Variants in LIMD1 observed in about 807,000 individuals in gnomAD.
LIMD1 encodes LIM domain-containing protein 1.
A neutral mutation model predicts 58.4 loss-of-function variants in LIMD1; 23 were observed. That is an observed-to-expected ratio of 0.39 (90% CI 0.28 to 0.56). The LOEUF (loss-of-function observed/expected upper bound fraction) is 0.56, where lower values mean the gene tolerates loss of function less well. Ranked by LOEUF, LIMD1 falls within the 20% of genes least tolerant of loss-of-function variation. LIMD1 has a pLI of 0.57. For missense variants in LIMD1, 838 were observed against 855.5 expected, an observed-to-expected ratio of 0.98 and a Z score of 0.25; for synonymous variants, 334 against 345.5, an observed-to-expected ratio of 0.97 and a Z score of 0.37.
Position 45,596,020 on chromosome 3 carries a change from C to G in LIMD1, c.1141C>G (p.Pro381Ala). The G allele has an allele frequency of 6.2e-7, 1 of 1,614,224 alleles. No individual in the cohort carries two copies. Among genetic ancestry groups the G allele is most frequent in the Non-Finnish European group, 8.5e-7 (1 of 1,180,040 alleles). The change falls in exon 1 of 8, where the codon CCC becomes GCC. Residue 381 changes from proline (P) to alanine (A), a missense_variant. Transcript: ENST00000273317. ...TGGCTGCACAGACCTTGGCACTGGT[C>G]CCAAGCTCAGCCCCACCAGTCTTGT... ...KPGCTDLGTG[P>A]KLSPTSLVHP...
chr3:45,629,039 G>C (rs1042517454), intron 1 of LIMD1, among the ~76,000 whole-genome samples: 18 of 152,168 alleles, frequency 1.2e-4, no homozygotes, highest in Non-Finnish European at 2.2e-4. Context: ...GATTGCAAAA[G>C]GCATGAGGAC....
chr3:45,622,668 A>ATT (rs775471185), intron 1 of LIMD1, among the ~76,000 whole-genome samples: 11 of 140,540 alleles, frequency 7.8e-5, no homozygotes, highest in African/African-American at 2.1e-4. Context: ...TTTTAAAGGA[A>ATT]TTTTTTTTTT....
chr3:45,639,928 G>T (rs1325839894), intron 2 of LIMD1, among the ~76,000 whole-genome samples: 6 of 152,244 alleles, frequency 3.9e-5, no homozygotes, highest in African/African-American at 1.4e-4. Flanking sequence ...TTCCCAAAAT[G>T]CTGGGATTAC....
intron 1 of LIMD1, among the ~76,000 whole-genome samples, chr3:45,617,151 G>A (rs1471240522): frequency 3.3e-5 from 5 of 150,628 alleles, no homozygotes; most frequent in Non-Finnish European, 4.4e-5. Flanking sequence ...CTCCTGCCTC[G>A]GCCTCCCTAG....
At chr3:45,674,635 T>C in intron 7 of LIMD1, 2 of 475,900 alleles carry the variant, frequency 4.2e-6, no homozygotes, top group Non-Finnish European at 3.8e-6. Context: ...AACTATCAAG[T>C]CCTGCAACTG....
intron 1 of LIMD1, among the ~76,000 whole-genome samples, chr3:45,628,396 A>G (rs1701687407): frequency 6.6e-6 from 1 of 152,226 alleles, no homozygotes; most frequent in Admixed American, 6.5e-5. Context: ...GCAGGTGAAA[A>G]GATGCTCACA....
chr3:45,633,666 A>G (rs1004807072), intron 1 of LIMD1, among the ~76,000 whole-genome samples: 6 of 152,222 alleles, frequency 3.9e-5, no homozygotes, highest in African/African-American at 1.4e-4. Flanking sequence ...CAGATAACCA[A>G]TACTTGTGCC....
At chr3:45,615,010 G>A (rs1167936839) in intron 1 of LIMD1, among the ~76,000 whole-genome samples, 3 of 151,996 alleles carry the variant, frequency 2.0e-5, no homozygotes, top group Non-Finnish European at 4.4e-5. Flanking sequence ...AGGATGTCGG[G>A]GAGCAGAACT....
intron 1 of LIMD1, among the ~76,000 whole-genome samples, chr3:45,627,341 G>T (rs1234000788): frequency 2.6e-5 from 4 of 152,170 alleles, no homozygotes; most frequent in African/African-American, 9.7e-5. Flanking sequence ...GACTGGAAAG[G>T]ATATAGATAA....
Position 45,596,290 on chromosome 3 carries a change from G to C in LIMD1, c.1408+3G>C. 6.3e-7 allele frequency: 1 copy of C among 1,589,754 alleles called. No homozygotes were observed. Among genetic ancestry groups the C allele is most frequent in the Non-Finnish European group, 8.6e-7 (1 of 1,167,774 alleles). On this transcript the variant is annotated splice_donor_region_variant and intron_variant, in intron 1 of 7. Coordinates refer to ENST00000273317, the MANE Select transcript of LIMD1 (RefSeq NM_014240.3). ...TCACCCGAAGGCTGATTACTTTGGT[G>C]AGTGAGAGGCTGGTGGAGTTGCCTA...
Position 45,684,856 on chromosome 3 carries a change from A to G in LIMD1, c.*7797A>G, listed in dbSNP as rs1207103158. 1 of 152,190 alleles carries G rather than the reference A, an allele frequency of 6.6e-6. No homozygotes were observed. Among genetic ancestry groups the G allele is most frequent in the African/African-American group, 2.4e-5 (1 of 41,448 alleles). 9.4% of individuals were successfully genotyped at this position (152,190 alleles called of 1,614,324 possible). On this transcript the variant is annotated 3_prime_UTR_variant, in exon 8 of 8. Coordinates refer to ENST00000273317, the MANE Select transcript of LIMD1 (RefSeq NM_014240.3). ...TGCAGCTGCCGGCATTTATCTGTGC[A>G]AGCTTCTAGCTTGCTTATTTATGCT...
intron 2 of LIMD1, among the ~76,000 whole-genome samples, chr3:45,646,204 G>T (rs1701905540): frequency 6.6e-6 from 1 of 152,222 alleles, no homozygotes; most frequent in Non-Finnish European, 1.5e-5. Context: ...GAGTGGGGAA[G>T]TGTGTTCGTG....
chr3:45,654,828 A>AAAG (rs1553645832), intron 2 of LIMD1, among the ~76,000 whole-genome samples: 1 of 147,334 alleles, frequency 6.8e-6, no homozygotes, highest in Non-Finnish European at 1.5e-5. Flanking sequence ...AAAAAAAAAA[A>AAAG]AAAAAAGAAA....
intron 5 of LIMD1, 48 bp downstream of exon 5, chr3:45,672,868 G>A (rs1575368335): frequency 6.2e-7 from 1 of 1,606,618 alleles, no homozygotes; most frequent in South Asian, 1.1e-5. Flanking sequence ...AGGCCAAGCT[G>A]ATCTCAGCAG....
At chr3:45,626,426 A>G (rs1405233389) in intron 1 of LIMD1, among the ~76,000 whole-genome samples, 2 of 152,374 alleles carry the variant, frequency 1.3e-5, no homozygotes, top group African/African-American at 2.4e-5. Context: ...CTATTGAGCC[A>G]TGAAAAGACA....
At chr3:45,659,253 C>T (rs1469899441) in intron 2 of LIMD1, among the ~76,000 whole-genome samples, 1 of 152,130 alleles carries the variant, frequency 6.6e-6, no homozygotes, top group African/African-American at 2.4e-5. Context: ...CTGCAAATTA[C>T]TGAAATGGAA....
intron 2 of LIMD1, among the ~76,000 whole-genome samples, chr3:45,637,762 G>C (rs1701803459): frequency 6.6e-6 from 1 of 152,214 alleles, no homozygotes; most frequent in African/African-American, 2.4e-5. Flanking sequence ...TGGTTAACCA[G>C]TGGCCTCCTA....
chr3:45,624,541 C>T (rs1390620808), intron 1 of LIMD1, among the ~76,000 whole-genome samples: 2 of 152,032 alleles, frequency 1.3e-5, no homozygotes, highest in African/African-American at 4.8e-5. Context: ...CCCATCTCTA[C>T]TGAAAATACA....
chr3:45,606,654 C>T (rs567755969), intron 1 of LIMD1, among the ~76,000 whole-genome samples: 5 of 152,302 alleles, frequency 3.3e-5, no homozygotes, highest in African/African-American at 9.6e-5. Flanking sequence ...CAGGGGTGCT[C>T]GTGTGACATC....
Sources: allele counts gnomAD v4.1 joint callset (sites outside exome capture counted in the v4.1 genomes callset), GRCh38; gene constraint gnomAD v4.1.1; transcripts MANE v1.5; gene names NCBI Gene and HGNC (gene_info 2026-07-23, HGNC 2026-07-21).